SPOCK3: variants seen among roughly 807,000 people sequenced by gnomAD.
SPOCK3 encodes testican-3.
In SPOCK3, 30 loss-of-function variants were observed where a neutral mutation model predicts 56.6. The observed-to-expected ratio is 0.53, with a 90% CI of 0.40 to 0.72. The LOEUF (loss-of-function observed/expected upper bound fraction) is 0.72, where lower values mean the gene tolerates loss of function less well. SPOCK3 is among the 30% of genes least tolerant of loss of function. SPOCK3 has a pLI of 0.00. For missense variants in SPOCK3, 527 were observed against 530.0 expected (o/e 0.99, Z 0.06); for synonymous variants, 196 against 183.3 (o/e 1.07, Z -0.56).
chr4:167,232,460 A>C (rs1417641674), intron 2 of SPOCK3, among the ~76,000 whole-genome samples: 2 of 152,184 alleles, frequency 1.3e-5, no homozygotes, highest in Non-Finnish European at 2.9e-5. Flanking sequence ...GAAGATTTTA[A>C]AGCAGCCATT....
At chr4:166,826,958 G>T (rs1745544780) in intron 6 of SPOCK3, among the ~76,000 whole-genome samples, 1 of 151,866 alleles carries the variant, frequency 6.6e-6, no homozygotes, top group African/African-American at 2.4e-5. Context: ...AATAATTAGA[G>T]ACCTTCTTAA....
chr4:166,785,050 T>C (rs1191114949), intron 7 of SPOCK3, among the ~76,000 whole-genome samples: 1 of 152,148 alleles, frequency 6.6e-6, no homozygotes, highest in East Asian at 1.9e-4. Flanking sequence ...TCAAGGTATC[T>C]TGATAATAGT....
At chr4:166,894,452 T>A (rs1735140147) in intron 5 of SPOCK3, among the ~76,000 whole-genome samples, 1 of 152,102 alleles carries the variant, frequency 6.6e-6, no homozygotes, top group East Asian at 1.9e-4. Flanking sequence ...ATATTAAAGT[T>A]CTTAATTCAA....
intron 6 of SPOCK3, among the ~76,000 whole-genome samples, chr4:166,869,264 T>C (rs1732202631): frequency 6.7e-6 from 1 of 149,822 alleles, no homozygotes; most frequent in Admixed American, 6.7e-5. Context: ...CAATCAGAGT[T>C]AAACACATGC....
chr4:166,897,180 C>T (rs1337532882), intron 5 of SPOCK3, among the ~76,000 whole-genome samples: 7 of 151,972 alleles, frequency 4.6e-5, no homozygotes, highest in Admixed American at 1.3e-4. Flanking sequence ...TAATTCTCTC[C>T]GCCATTTTCT....
At chr4:166,869,259 A>G (rs1295598401) in intron 6 of SPOCK3, among the ~76,000 whole-genome samples, 3 of 150,504 alleles carry the variant, frequency 2.0e-5, no homozygotes, top group Non-Finnish European at 3.0e-5. Context: ...TCAAGCAATC[A>G]GAGTTAAACA....
intron 4 of SPOCK3, among the ~76,000 whole-genome samples, chr4:166,961,322 A>AT (rs1042760022): frequency 7.2e-5 from 11 of 152,084 alleles, no homozygotes; most frequent in Admixed American, 5.2e-4. Flanking sequence ...ATGTACAAAC[A>AT]TTTTAAGCAT....
At chr4:167,146,678 C>T (rs1299353439) in intron 2 of SPOCK3, among the ~76,000 whole-genome samples, 1 of 152,132 alleles carries the variant, frequency 6.6e-6, no homozygotes, top group Non-Finnish European at 1.5e-5. Flanking sequence ...TGCACAAACA[C>T]ATGGAAACTG....
intron 5 of SPOCK3, among the ~76,000 whole-genome samples, chr4:166,902,686 T>C (rs189146727): frequency 1.6e-3 from 240 of 151,770 alleles, no homozygotes; most frequent in Admixed American, 2.9e-3. Context: ...ATAATACATA[T>C]ACATGTACAC....
At chr4:166,950,538 T>C (rs1378611386) in intron 4 of SPOCK3, among the ~76,000 whole-genome samples, 1 of 151,782 alleles carries the variant, frequency 6.6e-6, no homozygotes, top group Non-Finnish European at 1.5e-5. Context: ...AGACAGAAAG[T>C]TAACAAGAAT....
At chr4:166,841,954 T>C (rs1046965405) in intron 6 of SPOCK3, among the ~76,000 whole-genome samples, 10 of 152,192 alleles carry the variant, frequency 6.6e-5, no homozygotes, top group African/African-American at 1.9e-4. Context: ...TGTTCGGACA[T>C]GTTTGGAGTT....
At chr4:166,890,409 C>A (rs1329025004) in intron 5 of SPOCK3, among the ~76,000 whole-genome samples, 1 of 151,708 alleles carries the variant, frequency 6.6e-6, no homozygotes. Context: ...ACCAAACAGC[C>A]AGTTTTTCCC....
chr4:166,923,917 C>T (rs1738778544), intron 4 of SPOCK3, among the ~76,000 whole-genome samples: 1 of 152,174 alleles, frequency 6.6e-6, no homozygotes, highest in African/African-American at 2.4e-5. Context: ...CAACATCCCT[C>T]ATTTGACCCT....
chr4:167,226,594 G>A (rs1736622859), intron 2 of SPOCK3, among the ~76,000 whole-genome samples: 1 of 152,092 alleles, frequency 6.6e-6, no homozygotes, highest in South Asian at 2.1e-4. Flanking sequence ...TTTTAGTGCT[G>A]ATCATTCCCA....
At chr4:166,767,606 C>T (rs1402284336) in intron 7 of SPOCK3, among the ~76,000 whole-genome samples, 2 of 152,140 alleles carry the variant, frequency 1.3e-5, no homozygotes, top group Non-Finnish European at 2.9e-5. Context: ...GCTTTCCTTC[C>T]AACTAAGTGG....
At chr4:166,876,234 A>G (rs1266051972) in intron 6 of SPOCK3, among the ~76,000 whole-genome samples, 1 of 152,202 alleles carries the variant, frequency 6.6e-6, no homozygotes, top group African/African-American at 2.4e-5. Context: ...TTGCTTGGGA[A>G]GGTAGTTCAA....
At chr4:166,804,287 C>T (rs1455162604) in intron 6 of SPOCK3, among the ~76,000 whole-genome samples, 1 of 152,146 alleles carries the variant, frequency 6.6e-6, no homozygotes, top group Non-Finnish European at 1.5e-5. Context: ...AGCAGGTTTT[C>T]TTTGTCCTGT....
chr4:167,141,237 A>C (rs932646014), intron 2 of SPOCK3, among the ~76,000 whole-genome samples: 1 of 151,954 alleles, frequency 6.6e-6, no homozygotes, highest in Admixed American at 6.6e-5. Flanking sequence ...AGCTCATATG[A>C]GATGTTGTAC....
intron 2 of SPOCK3, among the ~76,000 whole-genome samples, chr4:167,144,820 G>T (rs1763808785): frequency 6.6e-6 from 1 of 151,616 alleles, no homozygotes. Context: ...AGCTGGAGAA[G>T]AGAGTGGAAA....
Sources: gnomAD v4.1 joint callset for allele counts (sites outside exome capture counted in the v4.1 genomes callset) on GRCh38, gnomAD v4.1.1 for gene constraint, MANE v1.5 for transcripts, NCBI Gene and HGNC (gene_info 2026-07-23, HGNC 2026-07-21) for gene names.